MEGF6: variants seen among roughly 807,000 people sequenced by gnomAD.
MEGF6 encodes the protein multiple EGF like domains 6, also known as multiple epidermal growth factor-like domains protein 6.
Under a neutral mutation model 207.1 loss-of-function variants are expected in MEGF6, and 184 were observed. The observed-to-expected ratio is 0.89, with a 90% CI of 0.79 to 1.00. MEGF6 has a LOEUF of 1.00. MEGF6 is among the 50% of genes least tolerant of loss of function. The pLI, the probability that MEGF6 is intolerant of heterozygous loss-of-function variation, is 0.00. For missense variants in MEGF6, 2,282 were observed against 2,202.9 expected (o/e 1.04, Z -0.72); for synonymous variants, 1,038 against 910.0 (o/e 1.14, Z -2.53).
At chr1:3,576,515 A>G (rs1269544943) in intron 4 of MEGF6, among the ~76,000 whole-genome samples, 1 of 152,160 alleles carries the variant, frequency 6.6e-6, no homozygotes, top group Non-Finnish European at 1.5e-5. Context: ...AATATTCCCA[A>G]CTGCGTTTGA....
rs777038081 is a variant in MEGF6, at chr1:3,515,401, C to T, written c.730+1G>A. ...CTCCCTCCCAGGCTGGCAGCACTCA[C>T]GGACACAATGCCTGCCGTCCTCCTG... On this transcript the variant is annotated splice_donor_variant, in intron 6 of 36. Transcript: ENST00000356575. LOFTEE classifies it high-confidence loss of function. 6.8e-6 allele frequency: 11 copies of T among 1,610,362 alleles called. No individual in the cohort carries two copies. Among genetic ancestry groups the T allele is most frequent in the South Asian group, 2.2e-5 (2 of 90,680 alleles).
At chr1:3,520,733 G>A (rs1206151032) in intron 5 of MEGF6, among the ~76,000 whole-genome samples, 1 of 152,218 alleles carries the variant, frequency 6.6e-6, no homozygotes, top group East Asian at 1.9e-4. Context: ...TCGCTTTTGA[G>A]AGGGGAACCC....
chr1:3,606,853 T>C (rs999138983), intron 1 of MEGF6, among the ~76,000 whole-genome samples: 7 of 152,156 alleles, frequency 4.6e-5, no homozygotes, highest in Non-Finnish European at 1.0e-4. Flanking sequence ...GACTCTGTGA[T>C]GGCCCCTGTG....
At chr1:3,586,847 T>C (rs1339822369) in intron 3 of MEGF6, among the ~76,000 whole-genome samples, 1 of 152,062 alleles carries the variant, frequency 6.6e-6, no homozygotes, top group Non-Finnish European at 1.5e-5. Context: ...GGCCTGATGG[T>C]CCAACAGCTG....
At chr1:3,522,934 G>A (rs560652336) in intron 5 of MEGF6, among the ~76,000 whole-genome samples, 22 of 152,208 alleles carry the variant, frequency 1.4e-4, no homozygotes, top group Non-Finnish European at 2.6e-4. Flanking sequence ...GCAGGGCAGC[G>A]GGCTGGGGCC....
intron 7 of MEGF6, 130 bp from the exon 8 acceptor site, chr1:3,512,258 A>T (rs1570009437): frequency 3.2e-6 from 4 of 1,247,168 alleles, no homozygotes. Context: ...ATTCAAGGCC[A>T]ATCCCACTGT....
intron 4 of MEGF6, among the ~76,000 whole-genome samples, chr1:3,579,605 C>T (rs1306456015): frequency 9.9e-5 from 15 of 152,270 alleles, no homozygotes; most frequent in African/African-American, 3.4e-4. Context: ...GCGCCACCCA[C>T]TGACGGGGGG....
intron 4 of MEGF6, chr1:3,531,360 G>A (rs973054671): frequency 3.0e-5 from 36 of 1,187,696 alleles, no homozygotes; most frequent in Middle Eastern, 3.4e-4. Context: ...GGGCGGGCGC[G>A]CAATCCCAGC....
Position 3,498,771 on chromosome 1 carries a change from G to C in MEGF6, c.3150C>G (p.Asn1050Lys). The change falls in exon 25 of 37, where the codon AAC (asparagine) becomes AAG (lysine). Residue 1050 changes from asparagine (N) to lysine (K), a missense_variant. Coordinates refer to ENST00000356575, the MANE Select transcript of MEGF6 (RefSeq NM_001409.4). ...CTGAGACAGGGTCACAGGTCCCTCCGTTCTGGCAGAGGCAGGAATGCCGAC... is the reference window on the plus strand; with the variant it reads ...CTGAGACAGGGTCACAGGTCCCTCCCTTCTGGCAGAGGCAGGAATGCCGAC... ...DNCRHSCLCQ[N>K]GGTCDPVSGH... 1 of 1,558,046 alleles carries C rather than the reference G, an allele frequency of 6.4e-7. No homozygotes were observed. The highest frequency in any genetic ancestry group is 8.7e-7 in the Non-Finnish European group (1 of 1,151,644).
At chr1:3,507,531 G>T (rs146640739) in intron 14 of MEGF6, among the ~76,000 whole-genome samples, 5 of 152,136 alleles carry the variant, frequency 3.3e-5, no homozygotes, top group African/African-American at 4.8e-5. Flanking sequence ...TAGTCTTATC[G>T]TCTGCTACAG....
chr1:3,540,771 C>T (rs1194232823), intron 4 of MEGF6, among the ~76,000 whole-genome samples: 2 of 152,210 alleles, frequency 1.3e-5, no homozygotes, highest in Non-Finnish European at 2.9e-5. Context: ...GCAGTCATCC[C>T]ATTCCCCACG....
chr1:3,552,783 G>A (rs1163677518), intron 4 of MEGF6, among the ~76,000 whole-genome samples: 2 of 152,200 alleles, frequency 1.3e-5, no homozygotes, highest in Non-Finnish European at 2.9e-5. Flanking sequence ...AAGGGCCGCT[G>A]TGCTCACCCA....
At chr1:3,525,845 T>G (rs1443926514) in intron 4 of MEGF6, among the ~76,000 whole-genome samples, 1 of 152,214 alleles carries the variant, frequency 6.6e-6, no homozygotes, top group African/African-American at 2.4e-5. Context: ...CAGCCTCTCA[T>G]GCCACCCTCC....
rs1423863445 is a variant in MEGF6 at position 3,494,372 on chromosome 1, G to A, written c.4128C>T (p.His1376=). The A allele has an allele frequency of 1.3e-6, 2 of 1,541,284 alleles. No individual in the cohort carries two copies. The highest frequency in any genetic ancestry group is 1.7e-6 in the Non-Finnish European group (2 of 1,147,882). ...CAGCTGCACAGGCCCCCAACTCACG[G>A]TGCTCGCAGGCCTGGCCATAGAAGC... ...GPGFYGQACE[H]PCPPGFHGAG... Residue 1376 remains histidine (H), a splice_region_variant and synonymous_variant, in exon 32 of 37, where the codon CAC becomes CAT. Transcript: ENST00000356575.
intron 4 of MEGF6, among the ~76,000 whole-genome samples, chr1:3,543,556 G>A (rs1212291281): frequency 6.6e-6 from 1 of 152,342 alleles, no homozygotes; most frequent in Non-Finnish European, 1.5e-5. Flanking sequence ...GCAGAGCTGG[G>A]GGTGAGAACC....
intron 26 of MEGF6, 65 bp downstream of exon 26, chr1:3,498,306 G>A (rs1156252457): frequency 3.2e-6 from 5 of 1,543,666 alleles, no homozygotes; most frequent in Non-Finnish European, 4.4e-6. Flanking sequence ...CAGCCCTGCA[G>A]TAAGGCTGAT....
chr1:3,605,445 C>T (rs1325890354), intron 1 of MEGF6, among the ~76,000 whole-genome samples: 1 of 151,998 alleles, frequency 6.6e-6, no homozygotes, highest in East Asian at 1.9e-4. Context: ...ATCACACACC[C>T]TCATACACAC....
intron 24 of MEGF6, 44 bp downstream of exon 24, chr1:3,499,094 C>T: frequency 6.3e-7 from 1 of 1,590,386 alleles, no homozygotes; most frequent in Non-Finnish European, 8.5e-7. Flanking sequence ...AGCACCCTCG[C>T]TCAGGCCTGG....
Position 3,514,642 on chromosome 1 carries a change from C to A in MEGF6, c.761G>T (p.Ser254Ile), listed in dbSNP as rs1641474068. 1 of 1,581,736 alleles carries A rather than the reference C, an allele frequency of 6.3e-7. No individual in the cohort carries two copies. The highest frequency in any genetic ancestry group is 8.6e-7 in the Non-Finnish European group (1 of 1,166,286). The change falls in exon 7 of 37, where the codon AGC becomes ATC. Residue 254 changes from serine to isoleucine, a missense_variant. Transcript: ENST00000356575. ...GACCACCTGGCACCTGTGCATGCAGCTGCCGTTCCTGTTGGCACACGGGCT... is the reference window on the plus strand; with the variant it reads ...GACCACCTGGCACCTGTGCATGCAGATGCCGTTCCTGTTGGCACACGGGCT... Reference protein sequence around the residue: ...RRSPCANRNGSCMHRCQVVRG... With the variant: ...RRSPCANRNGICMHRCQVVRG...
Sources: gnomAD v4.1 joint callset for allele counts (sites outside exome capture counted in the v4.1 genomes callset) on GRCh38, gnomAD v4.1.1 for gene constraint, MANE v1.5 for transcripts, NCBI Gene and HGNC (gene_info 2026-07-23, HGNC 2026-07-21) for gene names.